The following CCBE1 variants were observed in gnomAD, a reference collection of about 807,000 sequenced individuals.
CCBE1 encodes collagen and calcium binding EGF domains 1, also known as collagen and calcium-binding EGF domain-containing protein 1.
Under a neutral mutation model 50.0 loss-of-function variants are expected in CCBE1, and 37 were observed. The ratio of observed to expected loss-of-function variants is 0.74; its 90% CI spans 0.57 to 0.97. CCBE1 has a LOEUF of 0.97. Among genes scored for constraint, CCBE1 ranks in the 50% least tolerant of loss-of-function variants. The pLI is 0.00. For synonymous variants in CCBE1, 234 were observed against 203.7 expected, an observed-to-expected ratio of 1.15 and a Z score of -1.27; for missense variants, 538 against 523.8, an observed-to-expected ratio of 1.03 and a Z score of -0.26.
At chr18:59,461,299 A>AT (rs1598919429) in intron 5 of CCBE1, among the ~76,000 whole-genome samples, 3 of 120,750 alleles carry the variant, frequency 2.5e-5, no homozygotes, top group East Asian at 2.6e-4. Flanking sequence ...GAGTGGAGGC[A>AT]CTTTTTTTTT....
intron 2 of CCBE1, among the ~76,000 whole-genome samples, chr18:59,517,263 C>T (rs553297162): frequency 5.9e-5 from 9 of 152,348 alleles, no homozygotes; most frequent in Admixed American, 2.0e-4. Flanking sequence ...TTTATTGATT[C>T]ACCCATGAAC....
upstream of CCBE1, chr18:59,697,459 G>A: frequency 2.2e-6 from 3 of 1,359,976 alleles, no homozygotes; most frequent in Middle Eastern, 2.6e-4. Flanking sequence ...GAGCAGGGGC[G>A]TTTGCACCAC....
intron 2 of CCBE1, among the ~76,000 whole-genome samples, chr18:59,664,279 T>A (rs1453092943): frequency 6.6e-6 from 1 of 152,016 alleles, no homozygotes; most frequent in Non-Finnish European, 1.5e-5. Flanking sequence ...AGAGGTTAGG[T>A]TTCAACATGT....
At chr18:59,632,763 TTTTA>T (rs931141241) in intron 2 of CCBE1, among the ~76,000 whole-genome samples, 2 of 114,646 alleles carry the variant, frequency 1.7e-5, no homozygotes, top group African/African-American at 8.9e-5. Context: ...CTAATTTTTA[TTTTA>T]TTTGTTTTAT....
At chr18:59,517,746 C>T (rs749536644) in intron 2 of CCBE1, among the ~76,000 whole-genome samples, 6 of 152,188 alleles carry the variant, frequency 3.9e-5, no homozygotes, top group Non-Finnish European at 7.3e-5. Context: ...TTCAGAGCAC[C>T]GAGTTTCTCC....
chr18:59,692,752 A>G (rs937301425), intron 2 of CCBE1, among the ~76,000 whole-genome samples: 3 of 152,098 alleles, frequency 2.0e-5, no homozygotes, highest in African/African-American at 7.2e-5. Context: ...TTCCCATGGG[A>G]ACATTGAGCT....
Position 59,628,713 on chromosome 18 carries a change from C to T in CCBE1, c.212+67916G>A, listed in dbSNP as rs549834796. 3.9e-5 allele frequency among the ~76,000 whole-genome samples: 6 copies of T among 152,270 alleles called. No homozygotes were observed. In the South Asian group the frequency reaches 6.2e-4, roughly 16 times the overall value. On this transcript the variant is annotated intron_variant, in intron 2 of 10. Transcript: ENST00000439986. ...TCTTCATTCAAGTCAGCTCCTCACC[C>T]GAGGACCCAGACCTGTATGTCCAAG...
intron 2 of CCBE1, among the ~76,000 whole-genome samples, chr18:59,622,672 G>A (rs1486063772): frequency 1.3e-5 from 2 of 149,116 alleles, no homozygotes; most frequent in African/African-American, 5.0e-5. Context: ...GTGGTGGCAT[G>A]CGCCTATAAT....
At chr18:59,603,783 A>G (rs2053462092) in intron 2 of CCBE1, among the ~76,000 whole-genome samples, 1 of 152,320 alleles carries the variant, frequency 6.6e-6, no homozygotes, top group East Asian at 1.9e-4. Context: ...ACTGGAGACC[A>G]GGCAAGTACA....
At chr18:59,648,993 C>T (rs1313636777) in intron 2 of CCBE1, among the ~76,000 whole-genome samples, 5 of 152,206 alleles carry the variant, frequency 3.3e-5, no homozygotes, top group Non-Finnish European at 5.9e-5. Flanking sequence ...CCTACTGACA[C>T]GCTTCAAACT....
chr18:59,439,963 G>T (rs62096128), intron 7 of CCBE1, 147 bp from the exon 8 acceptor site: 11,891 of 843,498 alleles, frequency 0.014, 133 homozygotes, highest in Middle Eastern at 0.03. Context: ...TGTCCCACAG[G>T]CATTTTAAAC....
intron 9 of CCBE1, 35 bp downstream of exon 9, chr18:59,439,508 A>G (rs990824187): frequency 6.2e-7 from 1 of 1,613,446 alleles, no homozygotes; most frequent in African/African-American, 1.3e-5. Context: ...AAAGTGAGAG[A>G]CCTTTAGCTT....
chr18:59,658,376 T>A (rs866935564), intron 2 of CCBE1, among the ~76,000 whole-genome samples: 7 of 10,148 alleles, frequency 6.9e-4, no homozygotes, highest in African/African-American at 1.4e-3. Flanking sequence ...TATATATATA[T>A]ATATATATAT....
At chr18:59,515,694 A>G (rs547564295) in intron 2 of CCBE1, among the ~76,000 whole-genome samples, 24 of 152,302 alleles carry the variant, frequency 1.6e-4, no homozygotes, top group Admixed American at 3.9e-4. Context: ...TAACTCTCAT[A>G]AAGTCATCTT....
At chr18:59,529,150 G>A (rs1342224773) in intron 2 of CCBE1, among the ~76,000 whole-genome samples, 4 of 150,836 alleles carry the variant, frequency 2.7e-5, no homozygotes, top group South Asian at 2.1e-4. Flanking sequence ...AGTTCTGTCC[G>A]TAAACCCCTG....
intron 2 of CCBE1, among the ~76,000 whole-genome samples, chr18:59,680,670 G>C (rs2054577095): frequency 6.6e-6 from 1 of 151,690 alleles, no homozygotes; most frequent in South Asian, 2.1e-4. Flanking sequence ...CTGCACTCCA[G>C]CCTGGGAGAC....
At chr18:59,541,684 C>A (rs1001199359) in intron 2 of CCBE1, among the ~76,000 whole-genome samples, 5 of 152,064 alleles carry the variant, frequency 3.3e-5, no homozygotes, top group African/African-American at 1.2e-4. Context: ...AGTGAGGAAG[C>A]CACAAAACTG....
Position 59,696,795 on chromosome 18 carries a change from G to GGATC in CCBE1, c.132-90_132-87dup, listed in dbSNP as rs1338151581. ...GCGCTGGGGAATCCCTGGCGCGTGGGGATCGCCAGGCTCCCCGTCCCGGCG... is the reference window on the plus strand; with the variant it reads ...GCGCTGGGGAATCCCTGGCGCGTGGGGATCGATCGCCAGGCTCCCCGTCCCGGCG... On this transcript the variant is annotated intron_variant, in intron 1 of 10. Coordinates refer to ENST00000439986, the MANE Select transcript of CCBE1 (RefSeq NM_133459.4). 4.6e-5 allele frequency: 65 copies of GGATC among 1,405,492 alleles called. No individual in the cohort carries two copies. In the Admixed American group the frequency reaches 7.5e-4, roughly 16 times the overall value. The allele number at this position is 1,405,492 out of a possible 1,614,324, so 87.1% of individuals were successfully genotyped here. A position where few individuals can be genotyped will look rare whatever the true frequency, so the allele number is the denominator to read the frequency against.
chr18:59,535,250 CAAG>C (rs944592007), intron 2 of CCBE1, among the ~76,000 whole-genome samples: 3 of 152,134 alleles, frequency 2.0e-5, no homozygotes, highest in African/African-American at 7.2e-5. Flanking sequence ...GGAGGCTTGA[CAAG>C]AAGATGGTAT....
Sources: gnomAD v4.1 joint callset for allele counts (sites outside exome capture counted in the v4.1 genomes callset) on GRCh38, gnomAD v4.1.1 for gene constraint, MANE v1.5 for transcripts, NCBI Gene and HGNC (gene_info 2026-07-23, HGNC 2026-07-21) for gene names.